PCDHA2: variants seen among roughly 807,000 people sequenced by gnomAD.
The protein encoded by PCDHA2 is protocadherin alpha 2.
In PCDHA2, 58 loss-of-function variants were observed where a neutral mutation model predicts 66.0. The observed-to-expected ratio is 0.88, with a 90% CI of 0.71 to 1.09. The LOEUF (loss-of-function observed/expected upper bound fraction) is 1.09. PCDHA2 is among the 50% of genes least tolerant of loss of function. The pLI is 0.00. For synonymous variants in PCDHA2, 634 were observed against 554.0 expected (o/e 1.14, Z -2.03); for missense variants, 1,267 against 1,242.3 (o/e 1.02, Z -0.30).
chr5:140,917,324 C>CGGGGGGGGGGGG (rs1299895515), intron 1 of PCDHA2, among the ~76,000 whole-genome samples: 1 of 76,120 alleles, frequency 1.3e-5, no homozygotes, highest in African/African-American at 4.3e-5. Context: ...GTTCATGTGG[C>CGGGGGGGGGGGG]GGGGGAGGGG....
chr5:140,797,671 T>C (rs182025816), intron 1 of PCDHA2, among the ~76,000 whole-genome samples: 17 of 152,336 alleles, frequency 1.1e-4, no homozygotes, highest in Non-Finnish European at 2.4e-4. Context: ...CTCTTAAAAA[T>C]TGAAAATCAC....
chr5:140,823,948 C>T, intron 1 of PCDHA2: 2 of 1,613,984 alleles, frequency 1.2e-6, no homozygotes, highest in Non-Finnish European at 8.5e-7. Context: ...GTGCTCGGCG[C>T]AGCCCACCGA....
At chr5:140,904,692 A>G (rs1484371560) in intron 1 of PCDHA2, among the ~76,000 whole-genome samples, 1 of 152,126 alleles carries the variant, frequency 6.6e-6, no homozygotes, top group Non-Finnish European at 1.5e-5. Context: ...GCAGTGTAAA[A>G]TTGTTCCCTT....
chr5:140,968,744 G>A (rs782484391), intron 1 of PCDHA2: 20 of 1,614,164 alleles, frequency 1.2e-5, no homozygotes, highest in East Asian at 2.2e-5. Context: ...CAACCTGACC[G>A]TGGTGGTCCG....
intron 3 of PCDHA2, among the ~76,000 whole-genome samples, chr5:141,003,141 AGACTC>A (rs1554258926): frequency 1.3e-5 from 2 of 152,202 alleles, no homozygotes; most frequent in African/African-American, 4.8e-5. Flanking sequence ...GCCTTGGCAA[AGACTC>A]TGACCTGATC....
At chr5:140,964,174 A>G (rs1187603456) in intron 1 of PCDHA2, among the ~76,000 whole-genome samples, 2 of 152,250 alleles carry the variant, frequency 1.3e-5, no homozygotes, top group African/African-American at 4.8e-5. Flanking sequence ...GAACGAAATC[A>G]TTATAGTGCC....
chr5:140,861,923 A>G (rs898939301), intron 1 of PCDHA2: 1 of 153,990 alleles, frequency 6.5e-6, no homozygotes, highest in African/African-American at 2.4e-5. Flanking sequence ...GCTGGATGTA[A>G]ATGATGATGC....
intron 1 of PCDHA2, chr5:140,883,793 T>C (rs782783912): frequency 6.2e-7 from 1 of 1,612,328 alleles, no homozygotes; most frequent in South Asian, 1.1e-5. Flanking sequence ...GAGCTACGTG[T>C]CGGTGCACGC....
At chr5:140,997,918 A>G (rs2097790482) in intron 3 of PCDHA2, among the ~76,000 whole-genome samples, 1 of 152,220 alleles carries the variant, frequency 6.6e-6, no homozygotes, top group South Asian at 2.1e-4. Context: ...TTACAGAATC[A>G]TAGGATATAA....
intron 1 of PCDHA2, among the ~76,000 whole-genome samples, chr5:140,964,896 G>A (rs868917865): frequency 6.6e-6 from 1 of 152,170 alleles, no homozygotes. Context: ...TAGGAGGCTG[G>A]GCGCTTCTCT....
chr5:140,808,453 G>A, intron 1 of PCDHA2: 1 of 1,614,226 alleles, frequency 6.2e-7, no homozygotes. Flanking sequence ...CAGCCTATGA[G>A]CTGGTGGTGA....
intron 1 of PCDHA2, chr5:140,801,872 G>C: frequency 6.2e-7 from 1 of 1,614,050 alleles, no homozygotes; most frequent in Non-Finnish European, 8.5e-7. Context: ...TCACTGGCAC[G>C]ACTCAACTAA....
chr5:140,834,156 TA>T, intron 1 of PCDHA2: 1 of 537,442 alleles, frequency 1.9e-6, no homozygotes, highest in East Asian at 3.0e-5. Flanking sequence ...TAATGGTTTG[TA>T]ATTCTTACTT....
chr5:140,937,599 A>T (rs2091614434), intron 1 of PCDHA2, among the ~76,000 whole-genome samples: 3 of 151,728 alleles, frequency 2.0e-5, no homozygotes, highest in African/African-American at 7.3e-5. Context: ...CCTGGGCAAC[A>T]GAGTGATACT....
At chr5:140,993,793 T>C (rs2097582526) in intron 3 of PCDHA2, among the ~76,000 whole-genome samples, 1 of 152,184 alleles carries the variant, frequency 6.6e-6, no homozygotes, top group African/African-American at 2.4e-5. Context: ...TAACATGCTG[T>C]GCAGGTTTGT....
intron 1 of PCDHA2, among the ~76,000 whole-genome samples, chr5:140,872,205 A>AT (rs1554166067): frequency 6.6e-6 from 1 of 151,936 alleles, no homozygotes; most frequent in Non-Finnish European, 1.5e-5. Context: ...TCATAAATTC[A>AT]TTATATATGA....
intron 1 of PCDHA2, among the ~76,000 whole-genome samples, chr5:140,806,447 A>G (rs531221120): frequency 4.4e-4 from 67 of 152,310 alleles, no homozygotes; most frequent in Middle Eastern, 6.8e-3. Context: ...CATGCAAGCT[A>G]TTTGCTATAA....
intron 1 of PCDHA2, among the ~76,000 whole-genome samples, chr5:140,936,673 A>G (rs77819967): frequency 0.018 from 2,748 of 152,254 alleles, 64 homozygotes; most frequent in South Asian, 0.1. Context: ...TGGACTGTCT[A>G]TTCTGTTTCA....
intron 1 of PCDHA2, chr5:140,856,554 A>G: frequency 1.3e-6 from 2 of 1,598,244 alleles, no homozygotes; most frequent in Non-Finnish European, 1.7e-6. Context: ...TTGCTTACTT[A>G]CAAACTCAGT....
Sources: allele counts gnomAD v4.1 joint callset (sites outside exome capture counted in the v4.1 genomes callset), GRCh38; gene constraint gnomAD v4.1.1; transcripts MANE v1.5; gene names NCBI Gene and HGNC (gene_info 2026-07-23, HGNC 2026-07-21).